ANKFN1: variants seen among roughly 807,000 people sequenced by gnomAD.
ANKFN1 encodes the protein ankyrin repeat and fibronectin type III domain containing 1, also known as ankyrin repeat and fibronectin type-III domain-containing protein 1.
In ANKFN1, 74 loss-of-function variants were observed where a neutral mutation model predicts 108.7. The observed-to-expected ratio is 0.68, with a 90% CI of 0.56 to 0.83. ANKFN1 has a LOEUF of 0.83. Ranked by LOEUF, ANKFN1 falls within the 40% of genes least tolerant of loss-of-function variation. The probability of loss-of-function intolerance (pLI) is 0.00; values close to 1 mark genes in which losing one functional copy is unlikely to be tolerated. For missense variants in ANKFN1, 1,505 were observed against 1,382.3 expected (o/e 1.09, Z -1.41); for synonymous variants, 547 against 516.2 (o/e 1.06, Z -0.81).
At chr17:56,446,815 G>T (rs185950204) in intron 10 of ANKFN1, among the ~76,000 whole-genome samples, 1 of 152,230 alleles carries the variant, frequency 6.6e-6, no homozygotes, top group South Asian at 2.1e-4. Context: ...TGAGGCAGGA[G>T]AATTGCTTGA....
chr17:56,424,633 G>A (rs1236973109), intron 8 of ANKFN1, among the ~76,000 whole-genome samples: 1 of 152,192 alleles, frequency 6.6e-6, no homozygotes, highest in Admixed American at 6.5e-5. Context: ...ATTCCTTGCA[G>A]AAGAAGCAGT....
chr17:56,383,507 C>T (rs1250162163), intron 8 of ANKFN1, among the ~76,000 whole-genome samples: 16 of 151,954 alleles, frequency 1.1e-4, no homozygotes, highest in Non-Finnish European at 1.5e-5. Flanking sequence ...ATTAGAGACA[C>T]AAAAAACCCT....
At chr17:56,142,317 G>A (rs1476917) in intron 4 of ANKFN1, among the ~76,000 whole-genome samples, 81,080 of 151,966 alleles carry the variant, frequency 0.53, 21,968 homozygotes, top group East Asian at 0.81. Flanking sequence ...TGTCAACTGG[G>A]TGGAAACGAC....
rs78800906 is a variant in ANKFN1, at chr17:56,259,993, T to G, written c.53+32036T>G. 8.8e-3 allele frequency among the ~76,000 whole-genome samples: 1,340 copies of G among 151,562 alleles called. 7 individuals are homozygous for G. The highest frequency in any genetic ancestry group is 0.014 in the Non-Finnish European group (981 of 67,934). On this transcript the variant is annotated intron_variant, in intron 3 of 20. Transcript: ENST00000682825. ...GAAGTAACATACTTGCACATGCAAT[T>G]TAGCTGATTACATGCAATTATAAGC... is the stretch of plus-strand genomic sequence containing the variant.
intron 3 of ANKFN1, among the ~76,000 whole-genome samples, chr17:56,247,901 G>A (rs941496211): frequency 1.8e-4 from 27 of 152,154 alleles, no homozygotes; most frequent in African/African-American, 6.5e-4. Flanking sequence ...TATATCAAAT[G>A]TATAAAAAGC....
intron 8 of ANKFN1, among the ~76,000 whole-genome samples, chr17:56,395,500 G>C (rs2047553786): frequency 6.6e-6 from 1 of 152,194 alleles, no homozygotes; most frequent in Admixed American, 6.5e-5. Flanking sequence ...AGGGTGAAAA[G>C]ACTGAAAAGA....
intron 4 of ANKFN1, among the ~76,000 whole-genome samples, chr17:56,124,142 G>A (rs1007062210): frequency 6.6e-6 from 1 of 152,136 alleles, no homozygotes; most frequent in Non-Finnish European, 1.5e-5. Flanking sequence ...TGATTCAGTA[G>A]GTCTGGGACG....
intron 8 of ANKFN1, among the ~76,000 whole-genome samples, chr17:56,380,462 C>G (rs11650224): frequency 6.6e-6 from 1 of 151,920 alleles, no homozygotes; most frequent in Non-Finnish European, 1.5e-5. Flanking sequence ...GCACCGTGCA[C>G]GAGCCAAAGC....
At chr17:56,227,696 G>A (rs749433882) in intron 2 of ANKFN1, among the ~76,000 whole-genome samples, 9 of 152,080 alleles carry the variant, frequency 5.9e-5, no homozygotes, top group Non-Finnish European at 1.0e-4. Context: ...AGGGAGCTGA[G>A]CATGTGATGA....
At chr17:56,345,790 C>A (rs1400532403) in intron 4 of ANKFN1, among the ~76,000 whole-genome samples, 1 of 151,988 alleles carries the variant, frequency 6.6e-6, no homozygotes, top group East Asian at 1.9e-4. Context: ...GGATATTAGA[C>A]CTTTGTCAGA....
chr17:56,055,316 T>TATGAGATATTTGGTTTA (rs960283804), intron 4 of ANKFN1, among the ~76,000 whole-genome samples: 1 of 151,688 alleles, frequency 6.6e-6, no homozygotes, highest in Non-Finnish European at 1.5e-5. Flanking sequence ...AGTGTGAACA[T>TATGAGATATTTGGTTTA]ATGAGATATT....
intron 6 of ANKFN1, chr17:56,368,333 G>T: frequency 3.4e-6 from 1 of 290,246 alleles, no homozygotes; most frequent in South Asian, 6.2e-5. Flanking sequence ...AGGCTGGAGT[G>T]CAGTGGTGCG....
chr17:56,116,351 A>G (rs1235550702), intron 4 of ANKFN1, among the ~76,000 whole-genome samples: 3 of 152,164 alleles, frequency 2.0e-5, no homozygotes, highest in Non-Finnish European at 4.4e-5. Context: ...AGGATTTACA[A>G]TCCAGTGGAT....
At chr17:56,446,928 C>T (rs1386226095) in intron 10 of ANKFN1, among the ~76,000 whole-genome samples, 1 of 151,642 alleles carries the variant, frequency 6.6e-6, no homozygotes, top group Non-Finnish European at 1.5e-5. Flanking sequence ...AAACAAAAAC[C>T]TCACTTTATA....
chr17:56,093,936 T>C (rs969801876), intron 4 of ANKFN1, among the ~76,000 whole-genome samples: 7 of 151,364 alleles, frequency 4.6e-5, no homozygotes, highest in African/African-American at 1.7e-4. Flanking sequence ...TTTTCAGAAG[T>C]AATGAATTTA....
intron 3 of ANKFN1, among the ~76,000 whole-genome samples, chr17:56,250,777 C>A (rs1173983317): frequency 6.6e-6 from 1 of 152,076 alleles, no homozygotes; most frequent in Admixed American, 6.6e-5. Flanking sequence ...CATTGATTAT[C>A]ATCTGAAGCT....
rs117987028 is a variant in ANKFN1, at chr17:56,180,373, T to C, written c.-71+26843T>C. ...GTAAGGGTACTCAAGGTCTCTTCTG[T>C]AAGCCCATTCTTACCTCCTCACATT... is the stretch of plus-strand genomic sequence containing the variant. On this transcript the variant is annotated intron_variant, in intron 1 of 20. Coordinates refer to ENST00000682825, the MANE Select transcript of ANKFN1 (RefSeq NM_001370326.1). Among the ~76,000 whole-genome samples, 478 of 152,318 alleles carry C rather than the reference T, an allele frequency of 3.1e-3. 1 individual carries two copies. Among genetic ancestry groups the C allele is most frequent in the Non-Finnish European group, 5.4e-3 (367 of 68,020 alleles).
chr17:56,189,450 G>A (rs994252188), intron 1 of ANKFN1, among the ~76,000 whole-genome samples: 2 of 152,060 alleles, frequency 1.3e-5, no homozygotes, highest in African/African-American at 2.4e-5. Flanking sequence ...GATTACAGGC[G>A]TGAGCCACCG....
chr17:56,495,009 A>G (rs913200991), intron 19 of ANKFN1, among the ~76,000 whole-genome samples: 1 of 152,128 alleles, frequency 6.6e-6, no homozygotes, highest in African/African-American at 2.4e-5. Context: ...TCACACCATT[A>G]AGTGGGTTGG....
Sources: gnomAD v4.1 joint callset for allele counts (sites outside exome capture counted in the v4.1 genomes callset) on GRCh38, gnomAD v4.1.1 for gene constraint, MANE v1.5 for transcripts, NCBI Gene and HGNC (gene_info 2026-07-23, HGNC 2026-07-21) for gene names.